Variants in MS4A5 observed in about 807,000 individuals in gnomAD.
MS4A5 encodes membrane spanning 4-domains A5.
In MS4A5, 15 loss-of-function variants were observed where a neutral mutation model predicts 18.2. The ratio of observed to expected loss-of-function variants is 0.83; its 90% confidence interval spans 0.55 to 1.27. The LOEUF is 1.27. Ranked by LOEUF, MS4A5 falls within the 50% of genes most tolerant of loss-of-function variation. The pLI, the probability that MS4A5 is intolerant of heterozygous loss-of-function variation, is 0.00. For missense variants in MS4A5, 232 were observed against 225.7 expected (o/e 1.03, Z -0.18); for synonymous variants, 89 against 78.7 (o/e 1.13, Z -0.69).
In MS4A5 at chr11:60,429,657, A is replaced by G. The variant is rs1347187882; in HGVS notation, c.-18A>G. The G allele has an allele frequency of 1.2e-6, 2 of 1,600,558 alleles. No homozygotes were observed. Among genetic ancestry groups the G allele is most frequent in the Non-Finnish European group, 8.5e-7 (1 of 1,175,602 alleles). ...TACCAACTAAATCATCTCCTTTCAA[A>G]TTATCACCGACACCATCATGGATTC... On this transcript the variant is annotated 5_prime_UTR_variant, in exon 1 of 5. Transcript: ENST00000300190.
intron 4 of MS4A5, among the ~76,000 whole-genome samples, chr11:60,446,634 G>A (rs909363376): frequency 3.9e-5 from 6 of 151,974 alleles, no homozygotes; most frequent in African/African-American, 1.5e-4. Context: ...TCGGGAGGCT[G>A]AGGCAGGAGA....
intron 4 of MS4A5, among the ~76,000 whole-genome samples, chr11:60,442,685 A>G (rs2086119667): frequency 6.6e-6 from 1 of 152,220 alleles, no homozygotes; most frequent in Non-Finnish European, 1.5e-5. Flanking sequence ...ATATACTGTC[A>G]TTAACTATGG....
intron 4 of MS4A5, among the ~76,000 whole-genome samples, chr11:60,437,658 G>T (rs1398421654): frequency 1.9e-4 from 29 of 150,160 alleles, no homozygotes; most frequent in African/African-American, 6.6e-4. Flanking sequence ...AATCAACAAA[G>T]ATCAAAAGAG....
Position 60,436,418 on chromosome 11 carries a change from G to A in MS4A5, c.492+2501G>A, listed in dbSNP as rs1250222339. ...TCCTCACCAGCAACGGAACAAAGCT[G>A]GATGGAGAATGACTTTGACGAGTTG... On this transcript the variant is annotated intron_variant, in intron 4 of 4. Coordinates refer to ENST00000300190, the MANE Select transcript of MS4A5 (RefSeq NM_023945.3). 2.1e-5 allele frequency among the ~76,000 whole-genome samples: 3 copies of A among 139,760 alleles called. 1 individual carries two copies. The allele number at this position is 139,760 out of a possible 152,430, so 91.7% of individuals were successfully genotyped here. A position where few individuals can be genotyped will look rare whatever the true frequency, so the allele number is the denominator to read the frequency against.
At chr11:60,438,488 G>T (rs1350654135) in intron 4 of MS4A5, among the ~76,000 whole-genome samples, 3 of 151,954 alleles carry the variant, frequency 2.0e-5, no homozygotes, top group Non-Finnish European at 4.4e-5. Context: ...TCCAGGAGCT[G>T]GTTTTTTGAA....
chr11:60,441,171 G>A (rs1339447850), intron 4 of MS4A5, among the ~76,000 whole-genome samples: 5 of 128,334 alleles, frequency 3.9e-5, no homozygotes, highest in East Asian at 2.2e-4. Context: ...GTAATCTATC[G>A]CAAGAACAAA....
chr11:60,435,293 T>C (rs934993782), intron 4 of MS4A5: 2 of 416,522 alleles, frequency 4.8e-6, no homozygotes, highest in Admixed American at 3.1e-5. Flanking sequence ...AATAAGACAA[T>C]GCGAATAACA....
intron 3 of MS4A5, among the ~76,000 whole-genome samples, chr11:60,433,558 G>GAAC (rs1371752833): frequency 6.6e-6 from 1 of 152,228 alleles, no homozygotes; most frequent in Non-Finnish European, 1.5e-5. Context: ...GAATGGAAAG[G>GAAC]TTACTAAAAG....
intron 4 of MS4A5, among the ~76,000 whole-genome samples, chr11:60,447,245 C>T (rs2086144780): frequency 6.6e-6 from 1 of 151,222 alleles, no homozygotes; most frequent in African/African-American, 2.4e-5. Flanking sequence ...CTATGCTATC[C>T]TATACTATGC....
At position 60,429,693 on chromosome 11, in the gene MS4A5, C is replaced by G; in HGVS notation, c.19C>G (p.His7Asp). The G allele has an allele frequency of 6.2e-7, 1 of 1,613,032 alleles. No individual in the cohort carries two copies. Among genetic ancestry groups the G allele is most frequent in the Non-Finnish European group, 8.5e-7 (1 of 1,179,710 alleles). Residue 7 changes from histidine (H) to aspartate (D), a missense_variant, in exon 1 of 5, where the codon CAC becomes GAC. His to Asp is a moderately conservative substitution (Grantham distance 81). Transcript: ENST00000300190. MDSSTA[H>D]SPVFLVFPPE... is the part of the protein sequence containing the mutation. The stretch of plus-strand genomic sequence containing the variant: ...CACCATCATGGATTCAAGCACCGCA[C>G]ACAGTCCGGTGTTTCTGGTATTTCC...
rs896872368 is a variant in MS4A5 at position 60,438,600 on chromosome 11, C to T, written c.492+4683C>T. The stretch of plus-strand genomic sequence containing the variant: ...AAAATGATAAAGGGGATGTCACCAC[C>T]GATCCCACAGAAATACAAACGACCA... On this transcript the variant is annotated intron_variant, in intron 4 of 4. Transcript: ENST00000300190. Among the ~76,000 whole-genome samples, 9 of 151,552 alleles carry T rather than the reference C, an allele frequency of 5.9e-5. No homozygotes were observed. In the South Asian group the frequency reaches 8.4e-4, roughly 14 times the overall value.
At chr11:60,441,620 G>A (rs1161813316) in intron 4 of MS4A5, among the ~76,000 whole-genome samples, 3 of 57,376 alleles carry the variant, frequency 5.2e-5, no homozygotes, top group East Asian at 3.3e-4. Flanking sequence ...AAAATGTCAA[G>A]ACTTGAAAAA....
intron 4 of MS4A5, among the ~76,000 whole-genome samples, chr11:60,441,457 A>T (rs188908753): frequency 0.033 from 1,200 of 36,910 alleles, 22 homozygotes; most frequent in African/African-American, 0.076. Flanking sequence ...AAAGGCCATT[A>T]AAAAAAAAAA....
chr11:60,433,454 G>T (rs1395811783), intron 3 of MS4A5, among the ~76,000 whole-genome samples: 2 of 152,172 alleles, frequency 1.3e-5, no homozygotes, highest in Non-Finnish European at 2.9e-5. Flanking sequence ...AATGTAAACA[G>T]ACCATGACTT....
intron 4 of MS4A5, among the ~76,000 whole-genome samples, chr11:60,440,108 C>T (rs1480235892): frequency 7.4e-5 from 8 of 108,760 alleles, no homozygotes; most frequent in South Asian, 3.3e-4. Context: ...ACAGAGCCCT[C>T]AGAAATAACG....
chr11:60,441,707 G>A (rs2086113683), intron 4 of MS4A5, among the ~76,000 whole-genome samples: 1 of 150,044 alleles, frequency 6.7e-6, no homozygotes, highest in African/African-American at 2.4e-5. Flanking sequence ...AAGATTTTCT[G>A]TGTAAAACTA....
chr11:60,437,054 T>A lies in MS4A5; in HGVS notation c.492+3137T>A, dbSNP rs1590832565. ...TGGGTAACCCTCAAAGGGAAGCTCA[T>A]CAGACTAACAGTGGATCTCTCGGCA... On this transcript the variant is annotated intron_variant, in intron 4 of 4. Transcript: ENST00000300190. Among the ~76,000 whole-genome samples, 2 of 137,052 alleles carry A rather than the reference T, an allele frequency of 1.5e-5. 1 individual carries two copies. The highest frequency in any genetic ancestry group is 3.3e-5 in the Non-Finnish European group (2 of 61,396). The allele number at this position is 137,052 out of a possible 152,430, so 89.9% of individuals were successfully genotyped here. A position where few individuals can be genotyped will look rare whatever the true frequency, so the allele number is the denominator to read the frequency against.
At chr11:60,444,853 T>G (rs35967273) in intron 4 of MS4A5, among the ~76,000 whole-genome samples, 1 of 152,166 alleles carries the variant, frequency 6.6e-6, no homozygotes, top group African/African-American at 2.4e-5. Context: ...CTTGGAAAAC[T>G]ATTGGGTGGT....
chr11:60,442,383 G>C (rs3973193), intron 4 of MS4A5, among the ~76,000 whole-genome samples: 141,101 of 152,238 alleles, frequency 0.93, 65,423 homozygotes, highest in Middle Eastern at 0.97. Flanking sequence ...AGCAAACTAA[G>C]ACAGGAACAG....
Sources: gnomAD v4.1 joint callset for allele counts (sites outside exome capture counted in the v4.1 genomes callset) on GRCh38, gnomAD v4.1.1 for gene constraint, MANE v1.5 for transcripts, NCBI Gene and HGNC (gene_info 2026-07-23, HGNC 2026-07-21) for gene names.